Variants in TGFBR3 observed in about 807,000 individuals in gnomAD.
TGFBR3 encodes the protein transforming growth factor beta receptor 3.
TGFBR3 carries 46 observed loss-of-function variants against 87.9 expected under a neutral mutation model. The ratio of observed to expected loss-of-function variants is 0.52; its 90% CI spans 0.41 to 0.67. The LOEUF is 0.67. Among genes scored for constraint, TGFBR3 ranks in the 30% least tolerant of loss-of-function variants. The pLI, the probability that TGFBR3 is intolerant of heterozygous loss-of-function variation, is 0.00. For synonymous variants in TGFBR3, 381 were observed against 391.6 expected (o/e 0.97, Z 0.32); for missense variants, 866 against 1,041.9 (o/e 0.83, Z 2.32).
chr1:91,712,335 A>G lies in TGFBR3; in HGVS notation c.2074T>C (p.Phe692Leu). 6.2e-7 allele frequency: 1 copy of G among 1,614,230 alleles called. No individual in the cohort carries two copies. The highest frequency in any genetic ancestry group is 1.1e-5 in the South Asian group (1 of 91,088). ...AGTGAGGTGTTGAAGACAGGCTTGA[A>G]GACAAAGCTGAATCGCTTCTTATCC... ...DMDKKRFSFVFKPVFNTSLLF... is the reference protein window; with the variant it reads ...DMDKKRFSFVLKPVFNTSLLF... The change falls in exon 13 of 17, where the codon TTC (phenylalanine) becomes CTC (leucine). Residue 692 changes from phenylalanine to leucine, a missense_variant. Transcript: ENST00000212355.
intron 2 of TGFBR3, chr1:91,801,095 AAAAAAG>A (rs1416231546): frequency 2.7e-5 from 6 of 223,334 alleles, no homozygotes; most frequent in East Asian, 1.8e-4. Flanking sequence ...AAAAAAAAAA[AAAAAAG>A]AGAGAGAGAG....
At chr1:91,741,861 T>C (rs947218323) in intron 4 of TGFBR3, among the ~76,000 whole-genome samples, 1 of 152,194 alleles carries the variant, frequency 6.6e-6, no homozygotes, top group African/African-American at 2.4e-5. Flanking sequence ...CTGTTCCTTC[T>C]ACCCCTCCTC....
At chr1:91,753,621 C>T (rs1673634750) in intron 4 of TGFBR3, among the ~76,000 whole-genome samples, 1 of 152,126 alleles carries the variant, frequency 6.6e-6, no homozygotes, top group Admixed American at 6.5e-5. Context: ...CCCCTCCCAT[C>T]AGCCCCTGGC....
At chr1:91,693,802 C>A (rs1357940724) in intron 16 of TGFBR3, among the ~76,000 whole-genome samples, 2 of 152,182 alleles carry the variant, frequency 1.3e-5, no homozygotes, top group Admixed American at 1.3e-4. Context: ...AACCTCTCAG[C>A]CAGGCAGGAG....
At chr1:91,724,049 G>C (rs1672464562) in intron 7 of TGFBR3, among the ~76,000 whole-genome samples, 1 of 152,154 alleles carries the variant, frequency 6.6e-6, no homozygotes, top group South Asian at 2.1e-4. Flanking sequence ...TACCTAAAGT[G>C]CTTATGTGTG....
chr1:91,804,352 G>A (rs1235899469), intron 2 of TGFBR3, among the ~76,000 whole-genome samples: 1 of 152,122 alleles, frequency 6.6e-6, no homozygotes, highest in Non-Finnish European at 1.5e-5. Flanking sequence ...CTCTCCAGGT[G>A]GCAGGACAAT....
At chr1:91,824,858 G>A (rs1676574235) in intron 2 of TGFBR3, among the ~76,000 whole-genome samples, 1 of 151,628 alleles carries the variant, frequency 6.6e-6, no homozygotes, top group Non-Finnish European at 1.5e-5. Flanking sequence ...TACTTGGGAG[G>A]CTGAGGTAGG....
At chr1:91,840,136 C>A (rs1191375544) in intron 2 of TGFBR3, among the ~76,000 whole-genome samples, 3 of 151,160 alleles carry the variant, frequency 2.0e-5, no homozygotes, top group Non-Finnish European at 4.4e-5. Flanking sequence ...ATGATGAAAT[C>A]CCATCTCTAC....
intron 2 of TGFBR3, among the ~76,000 whole-genome samples, chr1:91,851,033 C>G (rs1677710980): frequency 6.6e-6 from 1 of 152,156 alleles, no homozygotes; most frequent in Non-Finnish European, 1.5e-5. Flanking sequence ...TTCCTTTTGC[C>G]ATATATGGTT....
chr1:91,838,481 C>T (rs1410701515), intron 2 of TGFBR3, among the ~76,000 whole-genome samples: 9 of 136,012 alleles, frequency 6.6e-5, no homozygotes, highest in East Asian at 2.2e-4. Flanking sequence ...TTTTTTGAGA[C>T]GGAGTCTCGC....
At chr1:91,791,331 T>C (rs1675184809) in intron 3 of TGFBR3, among the ~76,000 whole-genome samples, 2 of 152,126 alleles carry the variant, frequency 1.3e-5, no homozygotes, top group African/African-American at 2.4e-5. Flanking sequence ...GGTGGTGCCA[T>C]TTAGCATGGG....
At chr1:91,872,390 G>C (rs1446723666) in intron 1 of TGFBR3, among the ~76,000 whole-genome samples, 3 of 152,154 alleles carry the variant, frequency 2.0e-5, no homozygotes, top group Non-Finnish European at 4.4e-5. Context: ...AAATTTCAGG[G>C]ACAACCCCTT....
At chr1:91,852,797 C>T (rs1469083151) in intron 2 of TGFBR3, among the ~76,000 whole-genome samples, 2 of 152,156 alleles carry the variant, frequency 1.3e-5, no homozygotes, top group African/African-American at 4.8e-5. Context: ...TAACTGGTAT[C>T]ACATTTGACA....
chr1:91,867,528 C>A (rs915433116), intron 1 of TGFBR3, among the ~76,000 whole-genome samples: 2 of 152,154 alleles, frequency 1.3e-5, no homozygotes, highest in African/African-American at 4.8e-5. Context: ...ACACCTCACT[C>A]CCAAGGAAAA....
At chr1:91,689,836 T>G (rs1250138066) in intron 16 of TGFBR3, among the ~76,000 whole-genome samples, 3 of 91,970 alleles carry the variant, frequency 3.3e-5, no homozygotes, top group Admixed American at 1.3e-4. Context: ...TTTAAGAAAC[T>G]GATTAAAAAA....
intron 1 of TGFBR3, among the ~76,000 whole-genome samples, chr1:91,904,436 G>A (rs1478142335): frequency 8.1e-5 from 12 of 147,408 alleles, no homozygotes; most frequent in Admixed American, 6.9e-5. Flanking sequence ...TTGCTCTGTC[G>A]CCCAGACTGG....
intron 2 of TGFBR3, among the ~76,000 whole-genome samples, chr1:91,821,405 C>T (rs1676448125): frequency 6.7e-6 from 1 of 150,264 alleles, no homozygotes; most frequent in Admixed American, 6.6e-5. Flanking sequence ...ATTCTTAATG[C>T]TTTTACTGTG....
intron 9 of TGFBR3, among the ~76,000 whole-genome samples, 160 bp from the exon 10 acceptor site, chr1:91,719,624 C>A (rs887994392): frequency 6.6e-6 from 1 of 152,126 alleles, no homozygotes; most frequent in African/African-American, 2.4e-5. Flanking sequence ...CACCTCTCAA[C>A]AGCTCAAGGG....
intron 2 of TGFBR3, among the ~76,000 whole-genome samples, chr1:91,834,579 G>A (rs962985230): frequency 6.6e-6 from 1 of 152,240 alleles, no homozygotes; most frequent in Non-Finnish European, 1.5e-5. Context: ...AGAAACAGCA[G>A]CGAACAAGAT....
Sources: gnomAD v4.1 joint callset for allele counts (sites outside exome capture counted in the v4.1 genomes callset) on GRCh38, gnomAD v4.1.1 for gene constraint, MANE v1.5 for transcripts, NCBI Gene and HGNC (gene_info 2026-07-23, HGNC 2026-07-21) for gene names.